Variants in PMFBP1 observed in about 807,000 individuals in gnomAD.
The protein encoded by PMFBP1 is polyamine modulated factor 1 binding protein 1.
A neutral mutation model predicts 137.8 loss-of-function variants in PMFBP1; 131 were observed. That is an observed-to-expected ratio of 0.95 (90% CI 0.82 to 1.10). The LOEUF is 1.10. Ranked by LOEUF, PMFBP1 falls within the 50% of genes least tolerant of loss-of-function variation. The pLI is 0.00. For synonymous variants in PMFBP1, 490 were observed against 450.4 expected, an observed-to-expected ratio of 1.09 and a Z score of -1.11; for missense variants, 1,199 against 1,175.4, an observed-to-expected ratio of 1.02 and a Z score of -0.29.
the PMFBP1 span, among the ~76,000 whole-genome samples, chr16:72,207,653 A>G: frequency 1.3e-5 from 2 of 151,648 alleles, no homozygotes; most frequent in African/African-American, 4.9e-5. Context: ...CAGGAAAACC[A>G]CTGGTGACAT....
At chr16:72,158,735 T>C (rs540532921) in intron 3 of PMFBP1, among the ~76,000 whole-genome samples, 1 of 152,200 alleles carries the variant, frequency 6.6e-6, no homozygotes, top group Non-Finnish European at 1.5e-5. Context: ...GGCTCATCCC[T>C]ATAATCCCAG....
At chr16:72,202,255 C>G in the PMFBP1 span, among the ~76,000 whole-genome samples, 1 of 152,226 alleles carries the variant, frequency 6.6e-6, no homozygotes, top group African/African-American at 2.4e-5. Flanking sequence ...ACTTCTCAGT[C>G]ACAGTAGACT....
the PMFBP1 span, among the ~76,000 whole-genome samples, chr16:72,211,008 G>C: frequency 6.6e-6 from 1 of 152,174 alleles, no homozygotes. Flanking sequence ...TTAACAGTTG[G>C]TGAAGGGTGG....
the PMFBP1 span, among the ~76,000 whole-genome samples, chr16:72,243,273 A>ATGGTG: frequency 1.3e-5 from 2 of 152,196 alleles, no homozygotes; most frequent in Non-Finnish European, 2.9e-5. Flanking sequence ...TGTGCTGTCA[A>ATGGTG]TGGTGTCCTT....
chr16:72,169,045 C>A lies in PMFBP1; in HGVS notation c.12+2152G>T, dbSNP rs1457368588. On this transcript the variant is annotated intron_variant, in intron 2 of 20. Coordinates refer to ENST00000237353, the MANE Select transcript of PMFBP1 (RefSeq NM_031293.3). ...CAGTAGCATTTTCAGAGCCCAAGAG[C>A]ATTGCAAAGATTCAAAATGGCAGCA... 2.6e-5 allele frequency among the ~76,000 whole-genome samples: 4 copies of A among 152,078 alleles called. No homozygotes were observed. In the South Asian group the frequency reaches 8.3e-4, roughly 32 times the overall value.
the PMFBP1 span, among the ~76,000 whole-genome samples, chr16:72,201,383 C>A: frequency 1.3e-5 from 2 of 152,340 alleles, no homozygotes; most frequent in Admixed American, 6.5e-5. Flanking sequence ...ACATTTTCAT[C>A]ATACATTTTC....
chr16:72,126,020 A>T lies in PMFBP1; in HGVS notation c.2201T>A (p.Leu734Ter), dbSNP rs767918964. The change falls in exon 15 of 21, where the codon TTA (leucine) becomes TAA (stop). Residue 734 changes from leucine (L) to a stop codon, truncating the protein, a stop_gained. Coordinates refer to ENST00000237353, the MANE Select transcript of PMFBP1 (RefSeq NM_031293.3). LOFTEE classifies it high-confidence loss of function. ...TTITKEAYDA[L>*]SRKSAACQDD... is the part of the protein sequence containing the mutation. ...CTGGCAGGCGGCTGACTTCCGGGAT[A>T]ATGCATCATAGGCTTCTTTGGTGAT... is the stretch of plus-strand genomic sequence containing the variant. 6.2e-7 allele frequency: 1 copy of T among 1,614,192 alleles called. No individual in the cohort carries two copies. The highest frequency in any genetic ancestry group is 2.2e-5 in the East Asian group (1 of 44,876).
downstream of PMFBP1, among the ~76,000 whole-genome samples, chr16:72,117,755 T>A (rs1469914060): frequency 6.6e-6 from 1 of 152,206 alleles, no homozygotes; most frequent in Non-Finnish European, 1.5e-5. Context: ...CTTTTTAATA[T>A]CAGCTGTTCG....
At chr16:72,229,268 AG>A in the PMFBP1 span, among the ~76,000 whole-genome samples, 1 of 152,180 alleles carries the variant, frequency 6.6e-6, no homozygotes, top group Non-Finnish European at 1.5e-5. Flanking sequence ...ATGGGCATTT[AG>A]GTTGATTGCA....
downstream of PMFBP1, among the ~76,000 whole-genome samples, chr16:72,118,332 C>G (rs987523202): frequency 6.6e-6 from 1 of 152,194 alleles, no homozygotes. Context: ...ACCAGAGATG[C>G]CTGTCACTCC....
At chr16:72,205,762 A>G in the PMFBP1 span, among the ~76,000 whole-genome samples, 1 of 152,018 alleles carries the variant, frequency 6.6e-6, no homozygotes, top group Admixed American at 6.6e-5. Context: ...CATCAACCAC[A>G]CTTTGGTCCA....
chr16:72,128,650 T>C lies in PMFBP1; in HGVS notation c.2088+7A>G. 1 of 1,614,132 alleles carries C rather than the reference T, an allele frequency of 6.2e-7. No individual in the cohort carries two copies. The highest frequency in any genetic ancestry group is 1.1e-5 in the South Asian group (1 of 91,080). Reference sequence around the variant, plus strand: ...TCCTCACTCCCTTGGGGTTCCTGTCTACTCACCTCTTTATTCAAGTCTTGG... The same window carrying C: ...TCCTCACTCCCTTGGGGTTCCTGTCCACTCACCTCTTTATTCAAGTCTTGG... On this transcript the variant is annotated splice_region_variant and intron_variant, in intron 14 of 20. Transcript: ENST00000237353.
the PMFBP1 span, among the ~76,000 whole-genome samples, chr16:72,199,057 T>A: frequency 2.0e-5 from 3 of 152,214 alleles, no homozygotes; most frequent in Non-Finnish European, 4.4e-5. Context: ...GCTCTTGCGC[T>A]GCCTAGGGTG....
chr16:72,125,896 C>T, intron 15 of PMFBP1, 72 bp downstream of exon 15: 1 of 1,547,998 alleles, frequency 6.5e-7, no homozygotes. Context: ...AAATTGGCTC[C>T]TGTGCTTCTC....
At chr16:72,193,451 A>C in the PMFBP1 span, among the ~76,000 whole-genome samples, 1 of 152,148 alleles carries the variant, frequency 6.6e-6, no homozygotes, top group South Asian at 2.1e-4. Context: ...AAAAACACCA[A>C]ATTGTATAAA....
chr16:72,131,816 T>C (rs1567624275), intron 10 of PMFBP1, among the ~76,000 whole-genome samples: 1 of 152,178 alleles, frequency 6.6e-6, no homozygotes, highest in Admixed American at 6.5e-5. Flanking sequence ...TATAAATTGA[T>C]AAGTAATTCA....
chr16:72,118,764 G>C (rs1276040806), downstream of PMFBP1, among the ~76,000 whole-genome samples: 3 of 99,524 alleles, frequency 3.0e-5, no homozygotes, highest in African/African-American at 9.7e-5. Context: ...GGTGGTGGGC[G>C]GGGGGGCAGG....
the PMFBP1 span, among the ~76,000 whole-genome samples, chr16:72,239,078 C>A: frequency 1.3e-5 from 2 of 152,208 alleles, no homozygotes; most frequent in African/African-American, 2.4e-5. Flanking sequence ...CAAGAATTGT[C>A]TAGCCCCAAA....
chr16:72,177,381 C>T (rs2043262617), upstream of PMFBP1, among the ~76,000 whole-genome samples: 1 of 152,190 alleles, frequency 6.6e-6, no homozygotes, highest in South Asian at 2.1e-4. Flanking sequence ...GGTGTGTACC[C>T]TTTCCCCCTT....
Sources: allele counts gnomAD v4.1 joint callset (sites outside exome capture counted in the v4.1 genomes callset), GRCh38; gene constraint gnomAD v4.1.1; transcripts MANE v1.5; gene names NCBI Gene and HGNC (gene_info 2026-07-23, HGNC 2026-07-21).